HIP1R: variants seen among roughly 807,000 people sequenced by gnomAD.
The protein encoded by HIP1R is huntingtin-interacting protein 1-related protein.
Under a neutral mutation model 144.2 loss-of-function variants are expected in HIP1R, and 135 were observed. The observed-to-expected ratio is 0.94, with a 90% CI of 0.81 to 1.08. HIP1R has a LOEUF of 1.08. Ranked by LOEUF, HIP1R falls within the 50% of genes least tolerant of loss-of-function variation. The pLI is 0.00. For synonymous variants in HIP1R, 698 were observed against 612.8 expected, an observed-to-expected ratio of 1.14 and a Z score of -2.05; for missense variants, 1,462 against 1,432.8, an observed-to-expected ratio of 1.02 and a Z score of -0.33.
At chr12:122,856,845 C>G in intron 17 of HIP1R, 119 bp downstream of exon 17, 1 of 1,079,176 alleles carries the variant, frequency 9.3e-7, no homozygotes, top group Non-Finnish European at 1.3e-6. Context: ...TGGGATGCAG[C>G]CCTGACCCAG....
At chr12:122,846,976 C>T (rs758203735) in intron 1 of HIP1R, among the ~76,000 whole-genome samples, 14 of 152,232 alleles carry the variant, frequency 9.2e-5, no homozygotes, top group Non-Finnish European at 1.3e-4. Flanking sequence ...CAAGCCGGCT[C>T]CCTGCCCTTC....
At position 122,857,003 on chromosome 12, in the gene HIP1R, G is replaced by A. The variant is rs1190706436; in HGVS notation, c.1621-18G>A. ...TGGGAGCTCTGTTCACATGCCTGGT[G>A]TCCATGTCTGTCCACAGAGCAAGTC... On this transcript the variant is annotated intron_variant, in intron 17 of 31. Coordinates refer to ENST00000253083, the MANE Select transcript of HIP1R (RefSeq NM_003959.3). 1 of 1,547,764 alleles carries A rather than the reference G, an allele frequency of 6.5e-7. No individual in the cohort carries two copies. The highest frequency in any genetic ancestry group is 8.7e-7 in the Non-Finnish European group (1 of 1,146,258).
At position 122,860,982 on chromosome 12, in the gene HIP1R, A is replaced by G; in HGVS notation, c.2833A>G (p.Arg945Gly). 3.1e-6 allele frequency: 5 copies of G among 1,613,500 alleles called. No individual in the cohort carries two copies. Among genetic ancestry groups the G allele is most frequent in the South Asian group, 1.1e-5 (1 of 91,082 alleles). The change falls in exon 29 of 32, where the codon AGG becomes GGG. Residue 945 changes from arginine (R) to glycine (G), a missense_variant. Around this residue, in one of 2 missense-constraint regions of HIP1R, gnomAD observed 1,112 missense variants for 1,011.7 expected, o/e 1.10. Transcript: ENST00000253083. ...LQECSRTVNE[R>G]AANVVASTKS... is the part of the protein sequence containing the mutation. Reference sequence around the variant, plus strand: ...GGAATGTTCTCGCACAGTCAATGAGAGGGCTGCCAATGTGGTGGCCTCCAC... The same window carrying G: ...GGAATGTTCTCGCACAGTCAATGAGGGGGCTGCCAATGTGGTGGCCTCCAC...
intron 31 of HIP1R, 48 bp downstream of exon 31, chr12:122,861,562 C>G: frequency 6.3e-7 from 1 of 1,583,218 alleles, no homozygotes; most frequent in Non-Finnish European, 8.6e-7. Flanking sequence ...GGGTGCTGTC[C>G]CCAGCCCTAG....
Position 122,855,574 on chromosome 12 carries a change from G to C in HIP1R, c.1017G>C (p.Gln339His). 6.5e-7 allele frequency: 1 copy of C among 1,549,632 alleles called. No individual in the cohort carries two copies. Among genetic ancestry groups the C allele is most frequent in the Non-Finnish European group, 8.7e-7 (1 of 1,147,038 alleles). ...AGGTGGTGGCTGACCTCTTCGATCA[G>C]ACGTTTGGACCCCCCAATGGGTCTG... ...EPVVVADLFDQTFGPPNGSVK... is the reference protein window; with the variant it reads ...EPVVVADLFDHTFGPPNGSVK... The change falls in exon 12 of 32, where the codon CAG becomes CAC. Residue 339 changes from glutamine to histidine, a missense_variant. By Grantham distance (24) the Gln-to-His change is conservative (BLOSUM62 0). Transcript: ENST00000253083.
At position 122,851,310 on chromosome 12, in the gene HIP1R, G is replaced by T. The variant is rs1301428818; in HGVS notation, c.577+13G>T. The stretch of plus-strand genomic sequence containing the variant: ...CTTTCTGAATCAGGTGAGCCGTAAA[G>T]AGGGGATGCGGGGGTCTGAGTGTAT... On this transcript the variant is annotated intron_variant, in intron 7 of 31. Transcript: ENST00000253083. The T allele has an allele frequency of 6.5e-7, 1 of 1,542,000 alleles. No homozygotes were observed. Among genetic ancestry groups the T allele is most frequent in the African/African-American group, 1.4e-5 (1 of 70,592 alleles).
Position 122,856,618 on chromosome 12 carries a change from G to A in HIP1R, c.1519-7G>A, listed in dbSNP as rs746340128. Reference sequence around the variant, plus strand: ...CACTGCCCCAGTGACACGCTGTCCTGTCCCAGCTAGAGGAGAAGAGCGACC... The same window carrying A: ...CACTGCCCCAGTGACACGCTGTCCTATCCCAGCTAGAGGAGAAGAGCGACC... On this transcript the variant is annotated splice_polypyrimidine_tract_variant and splice_region_variant and intron_variant, in intron 16 of 31. Transcript: ENST00000253083. 5 of 1,602,666 alleles carry A rather than the reference G, an allele frequency of 3.1e-6. No individual in the cohort carries two copies. The highest frequency in any genetic ancestry group is 4.3e-6 in the Non-Finnish European group (5 of 1,174,658).
In HIP1R at chr12:122,860,083, G is replaced by A. The variant is rs76967509; in HGVS notation, c.2496+6G>A. The A allele has an allele frequency of 7.4e-3, 11,598 of 1,576,982 alleles. 704 individuals carry two copies. In the African/African-American group the frequency reaches 0.13, roughly 18 times the overall value. ...CCTGCACAGACCTGATGAAGGTGAGGGGCTGTGACCCGGGGGGGTCTGCAC... is the reference window on the plus strand; with the variant it reads ...CCTGCACAGACCTGATGAAGGTGAGAGGCTGTGACCCGGGGGGGTCTGCAC... On this transcript the variant is annotated splice_donor_region_variant and intron_variant, in intron 25 of 31. Coordinates refer to ENST00000253083, the MANE Select transcript of HIP1R (RefSeq NM_003959.3).
rs1392019635 is a variant in HIP1R, at chr12:122,860,441, G to A, written c.2578G>A (p.Glu860Lys). 1 of 1,613,334 alleles carries A rather than the reference G, an allele frequency of 6.2e-7. No homozygotes were observed. Among genetic ancestry groups the A allele is most frequent in the Non-Finnish European group, 8.5e-7 (1 of 1,180,012 alleles). ...ESGRGAATQQEFYAKNSRWTE... is the reference protein window; with the variant it reads ...ESGRGAATQQKFYAKNSRWTE... The stretch of plus-strand genomic sequence containing the variant: ...CCACTAGGGGGCAGCCACGCAGCAG[G>A]AATTTTACGCCAAGAACTCGCGCTG... Residue 860 changes from glutamate to lysine, a missense_variant, in exon 27 of 32, where the codon GAA becomes AAA. Glu to Lys is a moderately conservative substitution (Grantham distance 56). Coordinates refer to ENST00000253083, the MANE Select transcript of HIP1R (RefSeq NM_003959.3).
Position 122,861,118 on chromosome 12 carries a change from C to A in HIP1R, c.2891-13C>A. The A allele has an allele frequency of 1.2e-6, 2 of 1,613,448 alleles. No individual in the cohort carries two copies. Among genetic ancestry groups the A allele is most frequent in the Non-Finnish European group, 1.7e-6 (2 of 1,179,992 alleles). On this transcript the variant is annotated splice_polypyrimidine_tract_variant and intron_variant, in intron 29 of 31. Coordinates refer to ENST00000253083, the MANE Select transcript of HIP1R (RefSeq NM_003959.3). Reference sequence around the variant, plus strand: ...GGTGCCCAGATGTTCACCCCCTTGTCCTCCGGCCACAGACACCATGGATTT... The same window carrying A: ...GGTGCCCAGATGTTCACCCCCTTGTACTCCGGCCACAGACACCATGGATTT...
At chr12:122,857,273 G>C (rs777423723) in intron 18 of HIP1R, 58 bp downstream of exon 18, 1 of 1,465,572 alleles carries the variant, frequency 6.8e-7, no homozygotes, top group East Asian at 2.5e-5. Flanking sequence ...GGCAACCATC[G>C]ATCTGTCTCC....
chr12:122,849,818 AG>A, intron 4 of HIP1R, 56 bp from the exon 5 acceptor site: 1 of 1,286,616 alleles, frequency 7.8e-7, no homozygotes, highest in Non-Finnish European at 1.1e-6. Flanking sequence ...CAGGTCCTTG[AG>A]GACTCTTGGA....
At chr12:122,861,604 C>T (rs535228593) in intron 31 of HIP1R, 90 bp downstream of exon 31, 9 of 1,576,284 alleles carry the variant, frequency 5.7e-6, no homozygotes, top group Non-Finnish European at 7.8e-6. Flanking sequence ...CTGGGGAAGT[C>T]AGGGACCACT....
intron 1 of HIP1R, 23 bp downstream of exon 1, chr12:122,835,666 GCGGCGGGCGGC>G: frequency 9.9e-7 from 1 of 1,007,252 alleles, no homozygotes. Flanking sequence ...CGGGCGGCGG[GCGGCGGGCGGC>G]GGCGGGCGGG....
intron 1 of HIP1R, 144 bp downstream of exon 1, chr12:122,835,787 C>A: frequency 2.4e-6 from 1 of 411,694 alleles, no homozygotes; most frequent in African/African-American, 2.1e-5. Flanking sequence ...CCTGTGTCCG[C>A]CCGGGCTCTC....
chr12:122,856,292 T>C lies in HIP1R; in HGVS notation c.1349T>C (p.Leu450Pro). Residue 450 changes from leucine to proline, a missense_variant, in exon 15 of 32, where the codon CTG becomes CCG. By Grantham distance (98) the Leu-to-Pro change is moderately conservative (BLOSUM62 -3). Around this residue, in one of 2 missense-constraint regions of HIP1R, gnomAD observed 1,112 missense variants for 1,011.7 expected, o/e 1.10. Transcript: ENST00000253083. The part of the protein sequence containing the change: ...ASATEARYNK[L>P]KEKHSELVHV... ...GCCACGGAGGCGCGCTACAACAAGC[T>C]GAAGGAAAAGCACAGTGAGCTCGTC... 1 of 1,613,614 alleles carries C rather than the reference T, an allele frequency of 6.2e-7. No homozygotes were observed. Among genetic ancestry groups the C allele is most frequent in the Non-Finnish European group, 8.5e-7 (1 of 1,179,944 alleles).
chr12:122,835,954 G>A (rs2032880645), intron 1 of HIP1R, among the ~76,000 whole-genome samples: 1 of 150,996 alleles, frequency 6.6e-6, no homozygotes, highest in Admixed American at 6.6e-5. Flanking sequence ...GGCCGGGAGC[G>A]CCGGAGCTGA....
At position 122,861,368 on chromosome 12, in the gene HIP1R, C is replaced by T. The variant is rs368669549; in HGVS notation, c.3013C>T (p.Arg1005Trp). The T allele has an allele frequency of 4.3e-5, 69 of 1,613,422 alleles. No individual in the cohort carries two copies. Among genetic ancestry groups the T allele is most frequent in the Non-Finnish European group, 1.4e-5 (16 of 1,179,934 alleles). ...EAERMRLGELRKQHYVLAGAS... is the reference protein window; with the variant it reads ...EAERMRLGELWKQHYVLAGAS... ...TGAACGCATGCGGCTGGGGGAGTTG[C>T]GGAAGCAACACTACGTGCTGGCTGG... Residue 1005 changes from arginine to tryptophan, a missense_variant, in exon 31 of 32, where the codon CGG (arginine) becomes TGG (tryptophan). Physicochemically the swap from Arg to Trp is moderately radical, Grantham distance 101. Around this residue, in one of 2 missense-constraint regions of HIP1R, gnomAD observed 1,112 missense variants for 1,011.7 expected, o/e 1.10. Coordinates refer to ENST00000253083, the MANE Select transcript of HIP1R (RefSeq NM_003959.3).
chr12:122,858,913 C>T lies in HIP1R; in HGVS notation c.2126C>T (p.Thr709Ile). 3.7e-6 allele frequency: 6 copies of T among 1,613,104 alleles called. No individual in the cohort carries two copies. Among genetic ancestry groups the T allele is most frequent in the Non-Finnish European group, 5.1e-6 (6 of 1,179,990 alleles). ...AADTIINGGA[T>I]SHLAPTDPAD... ...GATACCATCATCAATGGCGGTGCCA[C>T]CTCGCACCTGGCTCCCACCGACCCT... The change falls in exon 21 of 32, where the codon ACC becomes ATC. Residue 709 changes from threonine to isoleucine, a missense_variant. Thr to Ile is a moderately conservative substitution (Grantham distance 89, BLOSUM62 -1). Transcript: ENST00000253083.
Sources: allele counts gnomAD v4.1 joint callset (sites outside exome capture counted in the v4.1 genomes callset), GRCh38; gene constraint gnomAD v4.1.1; regional missense constraint gnomAD v4.1.1; transcripts MANE v1.5; gene names NCBI Gene and HGNC (gene_info 2026-07-23, HGNC 2026-07-21).